The following TANGO2 variants were observed in gnomAD, a reference collection of about 807,000 sequenced individuals.
The protein encoded by TANGO2 is transport and Golgi organization protein 2 homolog.
A neutral mutation model predicts 39.1 loss-of-function variants in TANGO2; 26 were observed. The observed-to-expected ratio is 0.67, with a 90% CI of 0.49 to 0.92. TANGO2 has a LOEUF of 0.92. Among genes scored for constraint, TANGO2 ranks in the 40% least tolerant of loss-of-function variants. TANGO2 has a pLI of 0.00. For missense variants in TANGO2, 326 were observed against 360.1 expected (o/e 0.91, Z 0.77); for synonymous variants, 131 against 144.5 (o/e 0.91, Z 0.67).
At chr22:20,040,534 C>T (rs2043699911) in intron 2 of TANGO2, among the ~76,000 whole-genome samples, 1 of 152,218 alleles carries the variant, frequency 6.6e-6, no homozygotes, top group Non-Finnish European at 1.5e-5. Flanking sequence ...AGCAGAACCA[C>T]ATGGAGCTTG....
In TANGO2 at chr22:20,056,534, C is replaced by A. The variant is rs918299052; in HGVS notation, c.451+521C>A. 6.4e-5 allele frequency: 29 copies of A among 456,640 alleles called. 1 individual carries two copies. The Admixed American group carries it at 6.8e-4, about 11-fold the overall frequency. The allele number at this position is 456,640 out of a possible 1,614,324, so 28.3% of individuals were successfully genotyped here. A position where few individuals can be genotyped will look rare whatever the true frequency, so the allele number is the denominator to read the frequency against. On this transcript the variant is annotated intron_variant, in intron 6 of 8. Transcript: ENST00000327374. ...ACACTCCACGGCTGGGCCCTTCCTG[C>A]CCTGGCTCTGCACCACTGCCCAGGC...
chr22:20,033,707 C>T (rs114783249), intron 1 of TANGO2, among the ~76,000 whole-genome samples: 4,115 of 152,316 alleles, frequency 0.027, 203 homozygotes, highest in African/African-American at 0.094. Context: ...AGTAAAGGGA[C>T]TTGTGTCTTC....
chr22:20,046,059 C>G (rs1406717301), intron 3 of TANGO2, among the ~76,000 whole-genome samples: 2 of 152,128 alleles, frequency 1.3e-5, no homozygotes, highest in Admixed American at 1.3e-4. Flanking sequence ...ATCAGACATT[C>G]TCTGTGTAGC....
chr22:20,053,813 A>T, intron 5 of TANGO2: 1 of 518,784 alleles, frequency 1.9e-6, no homozygotes, highest in Non-Finnish European at 3.7e-6. Context: ...AAGAACAGTC[A>T]CATAGAGTGG....
intron 2 of TANGO2, among the ~76,000 whole-genome samples, chr22:20,042,156 A>ATTT (rs695721): frequency 6.1e-4 from 91 of 149,732 alleles, no homozygotes; most frequent in South Asian, 8.4e-4. Flanking sequence ...TAATTTTTGT[A>ATTT]TTTTTTTTTT....
chr22:20,056,303 TC>T (rs2047332273), intron 6 of TANGO2: 1 of 625,022 alleles, frequency 1.6e-6, no homozygotes, highest in Non-Finnish European at 3.0e-6. Context: ...CAGCCTCACT[TC>T]CTGTGCCGTC....
At chr22:20,056,468 G>A (rs1182999254) in intron 6 of TANGO2, 10 of 458,660 alleles carry the variant, frequency 2.2e-5, no homozygotes, top group African/African-American at 6.0e-5. Context: ...TCTGATCCCC[G>A]GTCCCCATCC....
intron 2 of TANGO2, among the ~76,000 whole-genome samples, chr22:20,040,992 C>G (rs1357432804): frequency 6.6e-6 from 1 of 152,220 alleles, no homozygotes; most frequent in Admixed American, 6.5e-5. Context: ...TAGCAGACCC[C>G]AAGGGCTCTA....
At chr22:20,061,729 C>T (rs2048426427) in intron 7 of TANGO2, 46 bp downstream of exon 7, 2 of 1,505,682 alleles carry the variant, frequency 1.3e-6, no homozygotes, top group Non-Finnish European at 1.8e-6. Flanking sequence ...GTCCCGCCAC[C>T]AGGGCAGAGG....
chr22:20,026,706 A>G (rs2040837288), intron 1 of TANGO2, among the ~76,000 whole-genome samples: 1 of 152,256 alleles, frequency 6.6e-6, no homozygotes, highest in South Asian at 2.1e-4. Flanking sequence ...CATGTTGGTG[A>G]ATTGTTGGCA....
chr22:20,043,432 A>C lies in TANGO2; in HGVS notation c.134A>C (p.Glu45Ala). The C allele has an allele frequency of 6.2e-7, 1 of 1,612,696 alleles. No homozygotes were observed. Among genetic ancestry groups the C allele is most frequent in the Non-Finnish European group, 8.5e-7 (1 of 1,178,858 alleles). ...KLADFWGNNN[E>A]ILSGLDMEEG... ...GCTGACTTCTGGGGGAACAACAACG[A>C]GATCCTCAGTGGTGAGTCTTCCTGC... is the stretch of plus-strand genomic sequence containing the variant. The change falls in exon 3 of 9, where the codon GAG (glutamate) becomes GCG (alanine). Residue 45 changes from glutamate (E) to alanine (A), a missense_variant. By Grantham distance (107) the Glu-to-Ala change is moderately radical. Transcript: ENST00000327374.
chr22:20,023,855 C>T lies in TANGO2; in HGVS notation c.-40+2609C>T, dbSNP rs1441513586. 2.8e-5 allele frequency among the ~76,000 whole-genome samples: 4 copies of T among 141,314 alleles called. No homozygotes were observed. In the East Asian group the frequency reaches 8.4e-4, roughly 30 times the overall value. The allele number at this position is 141,314 out of a possible 152,430, so 92.7% of individuals were successfully genotyped here. A position where few individuals can be genotyped will look rare whatever the true frequency, so the allele number is the denominator to read the frequency against. On this transcript the variant is annotated intron_variant, in intron 1 of 8. Coordinates refer to ENST00000327374, the MANE Select transcript of TANGO2 (RefSeq NM_152906.7). ...CCTGGGCAACAGAGCGAAACTCCAT[C>T]TCAAAAAAAAAAAAAGAAAATGTGT... is the stretch of plus-strand genomic sequence containing the variant.
intron 3 of TANGO2, among the ~76,000 whole-genome samples, chr22:20,047,250 T>TTTTA (rs2045411599): frequency 1.3e-5 from 2 of 150,568 alleles, no homozygotes; most frequent in African/African-American, 4.9e-5. Context: ...TTTTTTTTTT[T>TTTTA]GAGACAGAGT....
At chr22:20,031,177 G>A (rs2041781658) in intron 1 of TANGO2, among the ~76,000 whole-genome samples, 1 of 148,916 alleles carries the variant, frequency 6.7e-6, no homozygotes, top group South Asian at 2.2e-4. Flanking sequence ...CAGCCTAGGT[G>A]ACAGATCGAG....
chr22:20,043,311 G>A (rs1462100263), intron 2 of TANGO2, 44 bp from the exon 3 acceptor site: 30 of 1,430,488 alleles, frequency 2.1e-5, no homozygotes, highest in Middle Eastern at 1.8e-4. Flanking sequence ...GACTTGGCTC[G>A]CTCGTTTCCA....
At position 20,025,663 on chromosome 22, in the gene TANGO2, A is replaced by G. The variant is rs189017863; in HGVS notation, c.-40+4417A>G. Among the ~76,000 whole-genome samples, 571 of 152,288 alleles carry G rather than the reference A, an allele frequency of 3.7e-3. 4 individuals are homozygous for G. The highest frequency in any genetic ancestry group is 0.013 in the African/African-American group (521 of 41,548). On this transcript the variant is annotated intron_variant, in intron 1 of 8. Transcript: ENST00000327374. ...TGCATGAAAGACCAAGCAGAGTGCTATCTTCTGGCTGAGACCTCCCTGCTG... is the reference window on the plus strand; with the variant it reads ...TGCATGAAAGACCAAGCAGAGTGCTGTCTTCTGGCTGAGACCTCCCTGCTG...
intron 2 of TANGO2, among the ~76,000 whole-genome samples, chr22:20,037,835 C>T (rs1044673968): frequency 1.3e-5 from 2 of 152,172 alleles, no homozygotes; most frequent in Non-Finnish European, 2.9e-5. Flanking sequence ...CGGTGGCTCA[C>T]GCCTGTAATC....
At chr22:20,028,158 C>T (rs940541620) in intron 1 of TANGO2, among the ~76,000 whole-genome samples, 1 of 152,100 alleles carries the variant, frequency 6.6e-6, no homozygotes, top group Non-Finnish European at 1.5e-5. Flanking sequence ...TGCTGTGTTG[C>T]GGAAGTGCAG....
intron 1 of TANGO2, among the ~76,000 whole-genome samples, chr22:20,033,929 G>A (rs530332753): frequency 6.6e-6 from 1 of 152,384 alleles, no homozygotes; most frequent in South Asian, 2.1e-4. Flanking sequence ...CTTTTGGCCA[G>A]GCATGGTGGC....
Sources: allele counts gnomAD v4.1 joint callset (sites outside exome capture counted in the v4.1 genomes callset), GRCh38; gene constraint gnomAD v4.1.1; transcripts MANE v1.5; gene names NCBI Gene and HGNC (gene_info 2026-07-23, HGNC 2026-07-21).